Variants in HDAC9 observed in about 807,000 individuals in gnomAD.
HDAC9 encodes histone deacetylase 9, also known as MEF-2 interacting transcription repressor (MITR) protein.
In HDAC9, 41 loss-of-function variants were observed where a neutral mutation model predicts 139.4. That is an observed-to-expected ratio of 0.29 (90% CI 0.23 to 0.38). The LOEUF (loss-of-function observed/expected upper bound fraction) is 0.38. Among genes scored for constraint, HDAC9 ranks in the 10% least tolerant of loss-of-function variants. HDAC9 has a pLI of 1.00. For missense variants in HDAC9, 1,147 were observed against 1,297.0 expected, an observed-to-expected ratio of 0.88 and a Z score of 1.78; for synonymous variants, 517 against 476.2, an observed-to-expected ratio of 1.09 and a Z score of -1.12.
rs117653449 is a variant in HDAC9, at chr7:18,332,750, G to A, written c.-42+42235G>A. 5.5e-4 allele frequency among the ~76,000 whole-genome samples: 84 copies of A among 151,658 alleles called. 1 individual carries two copies. The highest frequency in any genetic ancestry group is 7.5e-4 in the Non-Finnish European group (51 of 67,670). ...ATCTCAATTTGGCCTATCTTTTTGT[G>A]TTGAAGATAGAGGATGTAATCTTTT... On this transcript the variant is annotated intron_variant, in intron 1 of 3. Transcript: ENST00000413509.
intron 22 of HDAC9, among the ~76,000 whole-genome samples, chr7:18,916,099 C>G (rs1209489342): frequency 1.3e-5 from 2 of 151,146 alleles, no homozygotes; most frequent in Non-Finnish European, 2.9e-5. Context: ...TTTGGCTGTT[C>G]TTGCATTTTC....
intron 2 of HDAC9, among the ~76,000 whole-genome samples, chr7:18,535,585 G>C (rs75480676): frequency 0.035 from 5,285 of 151,532 alleles, 320 homozygotes; most frequent in African/African-American, 0.12. Flanking sequence ...GCTCATCCAT[G>C]CAGAACTCAA....
At chr7:18,308,713 G>A (rs639387) in intron 1 of HDAC9, among the ~76,000 whole-genome samples, 22,999 of 151,954 alleles carry the variant, frequency 0.15, 1,866 homozygotes, top group East Asian at 0.25. Flanking sequence ...ATATATATAT[G>A]TGTGTACGTG....
At chr7:18,291,778 G>A (rs1797824449) in intron 1 of HDAC9, among the ~76,000 whole-genome samples, 1 of 152,110 alleles carries the variant, frequency 6.6e-6, no homozygotes, top group African/African-American at 2.4e-5. Flanking sequence ...AAAGTTATCT[G>A]AGGTTGTCTT....
At chr7:18,423,288 A>G (rs925389741) in intron 1 of HDAC9, among the ~76,000 whole-genome samples, 2 of 152,218 alleles carry the variant, frequency 1.3e-5, no homozygotes, top group South Asian at 2.1e-4. Context: ...TTTTGTAACC[A>G]TAGATATTTT....
intron 6 of HDAC9, among the ~76,000 whole-genome samples, chr7:18,627,879 TG>T (rs1171455820): frequency 1.3e-5 from 2 of 152,168 alleles, no homozygotes; most frequent in Non-Finnish European, 2.9e-5. Context: ...CTTTATTTTT[TG>T]TATCTGAACT....
rs1786250312 is a variant in HDAC9, at chr7:18,145,553, T to C, written c.-96-16676T>C. Among the ~76,000 whole-genome samples the C allele has an allele frequency of 2.6e-5, 4 of 152,246 alleles. No individual in the cohort carries two copies. The South Asian group carries it at 8.3e-4, about 32-fold the overall frequency. ...TGAATGAATAGAGGATATTTAAGAT[T>C]GGAAAGAAACATGATAGCATTCAAA... On this transcript the variant is annotated intron_variant, in intron 1 of 12. Coordinates refer to the HDAC9 transcript ENST00000417496.
chr7:18,689,550 A>G (rs1403915077), intron 12 of HDAC9, among the ~76,000 whole-genome samples: 5 of 151,994 alleles, frequency 3.3e-5, no homozygotes, highest in Admixed American at 3.3e-4. Flanking sequence ...TCTTAACCAG[A>G]TAGTGCCTGA....
chr7:18,095,131 T>C (rs1782424481), intron 1 of HDAC9, among the ~76,000 whole-genome samples: 1 of 152,078 alleles, frequency 6.6e-6, no homozygotes, highest in Non-Finnish European at 1.5e-5. Context: ...CTGCTGGGGT[T>C]CTGTTGGGGG....
chr7:18,812,924 C>A (rs1562958897), intron 17 of HDAC9, among the ~76,000 whole-genome samples: 1 of 151,892 alleles, frequency 6.6e-6, no homozygotes, highest in Non-Finnish European at 1.5e-5. Flanking sequence ...GTTCAACCTG[C>A]TGCTAATATC....
rs886519360 is a variant in HDAC9 at position 18,411,885 on chromosome 7, G to T, written c.-41-84377G>T. ...CTGTTGCCTAGGCTGGAGTGCAGTG[G>T]CATGTTCTCACCTCACTGCATCCTC... is the stretch of plus-strand genomic sequence containing the variant. On this transcript the variant is annotated intron_variant, in intron 1 of 3. Coordinates refer to the HDAC9 transcript ENST00000413509. Among the ~76,000 whole-genome samples, 7 of 145,572 alleles carry T rather than the reference G, an allele frequency of 4.8e-5. 1 individual carries two copies. The highest frequency in any genetic ancestry group is 8.9e-5 in the Non-Finnish European group (6 of 67,190).
intron 1 of HDAC9, among the ~76,000 whole-genome samples, chr7:18,105,737 C>G (rs1783152796): frequency 6.6e-6 from 1 of 151,402 alleles, no homozygotes; most frequent in East Asian, 1.9e-4. Flanking sequence ...AGGTATACAC[C>G]CAAAAGAATT....
Position 18,930,885 on chromosome 7 carries a change from A to T in HDAC9, c.2804-4924A>T, listed in dbSNP as rs1257345594. 2.6e-5 allele frequency among the ~76,000 whole-genome samples: 4 copies of T among 152,142 alleles called. No homozygotes were observed. The East Asian group carries it at 5.8e-4, about 22-fold the overall frequency. On this transcript the variant is annotated intron_variant, in intron 22 of 25. Coordinates refer to ENST00000686413, the MANE Select transcript of HDAC9 (RefSeq NM_178425.4). Reference sequence around the variant, plus strand: ...CTATCCCATCTAAATTTGGCATTTTATGGGACTTTTTTTCATTGCCAGAGG... The same window carrying T: ...CTATCCCATCTAAATTTGGCATTTTTTGGGACTTTTTTTCATTGCCAGAGG...
chr7:18,977,181 C>A (rs1784599933), intron 25 of HDAC9, among the ~76,000 whole-genome samples: 1 of 152,098 alleles, frequency 6.6e-6, no homozygotes, highest in Non-Finnish European at 1.5e-5. Context: ...TAAGGGAAAA[C>A]TTACTTTACA....
At chr7:18,968,062 C>T (rs1783994812) in intron 24 of HDAC9, among the ~76,000 whole-genome samples, 1 of 151,646 alleles carries the variant, frequency 6.6e-6, no homozygotes, top group East Asian at 1.9e-4. Context: ...CTCGGGAGGC[C>T]GAGGCAAGAG....
chr7:18,960,066 AG>A (rs1171583070), intron 24 of HDAC9, among the ~76,000 whole-genome samples: 1 of 151,602 alleles, frequency 6.6e-6, no homozygotes, highest in Non-Finnish European at 1.5e-5. Flanking sequence ...GGCAATGAGA[AG>A]TGAATTTATA....
In HDAC9 at chr7:18,629,428, G is replaced by A. The variant is rs759089852; in HGVS notation, c.743G>A (p.Arg248Gln). The A allele has an allele frequency of 3.1e-6, 5 of 1,611,922 alleles. No individual in the cohort carries two copies. Among genetic ancestry groups the A allele is most frequent in the Admixed American group, 1.7e-5 (1 of 59,850 alleles). Reference protein sequence around the residue: ...AERRSSPLLRRKDGNVVTSFK... With the variant: ...AERRSSPLLRQKDGNVVTSFK... ...AGGAGAAGCAGCCCCTTACTCAGGCGGAAGGATGGAAATGTTGTCACTTCA... is the reference window on the plus strand; with the variant it reads ...AGGAGAAGCAGCCCCTTACTCAGGCAGAAGGATGGAAATGTTGTCACTTCA... Residue 248 changes from arginine to glutamine, a missense_variant, in exon 7 of 26, where the codon CGG (arginine) becomes CAG (glutamine). By Grantham distance (43) the Arg-to-Gln change is conservative (BLOSUM62 1). Transcript: ENST00000686413.
intron 13 of HDAC9, 73 bp downstream of exon 13, chr7:18,727,830 T>C (rs1486450098): frequency 7.6e-6 from 9 of 1,191,922 alleles, no homozygotes; most frequent in Non-Finnish European, 1.0e-5. Flanking sequence ...CCGATTTAAA[T>C]GCTCTGAATA....
intron 25 of HDAC9, among the ~76,000 whole-genome samples, chr7:18,981,436 A>G (rs749223218): frequency 5.3e-5 from 8 of 152,204 alleles, no homozygotes; most frequent in Non-Finnish European, 7.3e-5. Context: ...GGCTTAAAAC[A>G]CACAAAGTTT....
Sources: allele counts gnomAD v4.1 joint callset (sites outside exome capture counted in the v4.1 genomes callset), GRCh38; gene constraint gnomAD v4.1.1; transcripts MANE v1.5; gene names NCBI Gene and HGNC (gene_info 2026-07-23, HGNC 2026-07-21).